Variants in SMG1 observed in about 807,000 individuals in gnomAD.
SMG1 encodes the protein SMG1 nonsense mediated mRNA decay associated PI3K related kinase, also known as serine/threonine-protein kinase SMG1.
SMG1 carries 22 observed loss-of-function variants against 419.9 expected under a neutral mutation model. The observed-to-expected ratio is 0.05, with a 90% CI of 0.04 to 0.07. The LOEUF (loss-of-function observed/expected upper bound fraction) is 0.07. Among genes scored for constraint, SMG1 ranks in the 10% least tolerant of loss-of-function variants. SMG1 has a pLI of 1.00. For missense variants in SMG1, 3,185 were observed against 4,342.0 expected (o/e 0.73, Z 7.49); for synonymous variants, 1,538 against 1,553.5 (o/e 0.99, Z 0.23).
intron 11 of SMG1, 96 bp downstream of exon 11, chr16:18,879,399 G>A: frequency 8.1e-7 from 1 of 1,227,204 alleles, no homozygotes. Context: ...ACAAGCATGA[G>A]CCACCATGCC....
chr16:18,870,573 A>G, intron 18 of SMG1, 37 bp downstream of exon 18: 1 of 1,335,780 alleles, frequency 7.5e-7, no homozygotes, highest in Non-Finnish European at 1.1e-6. Context: ...GGCTGTAAAT[A>G]TCACAGAATG....
chr16:18,844,296 G>T lies in SMG1; in HGVS notation c.6219+1133C>A, dbSNP rs552659839. Among the ~76,000 whole-genome samples the T allele has an allele frequency of 4.1e-4, 62 of 152,002 alleles. 2 individuals are homozygous for T. In the South Asian group the frequency reaches 0.013, roughly 31 times the overall value. ...GTACAAAAATTAGCCAAGCATGGTG[G>T]TGTGTGCCTGTAATCCCAGCTACAC... is the stretch of plus-strand genomic sequence containing the variant. On this transcript the variant is annotated intron_variant, in intron 39 of 62. Coordinates refer to ENST00000446231, the MANE Select transcript of SMG1 (RefSeq NM_015092.5).
chr16:18,890,994 C>G (rs1051672062), intron 4 of SMG1, 73 bp from the exon 5 acceptor site: 2 of 795,842 alleles, frequency 2.5e-6, no homozygotes, highest in Non-Finnish European at 4.4e-6. Context: ...TACTTTTTTA[C>G]TTGTCTTCCC....
chr16:18,819,695 T>C, intron 55 of SMG1, 41 bp from the exon 56 acceptor site: 1 of 1,471,474 alleles, frequency 6.8e-7, no homozygotes, highest in Non-Finnish European at 9.0e-7. Flanking sequence ...TATATGACAT[T>C]CTCTACTTCC....
intron 11 of SMG1, chr16:18,878,631 GAAAA>G (rs969580589): frequency 3.3e-5 from 5 of 149,340 alleles, no homozygotes; most frequent in African/African-American, 1.2e-4. Context: ...GAAAAGAAAA[GAAAA>G]AAAAGAAAGA....
At chr16:18,812,613 T>C (rs994178243) in intron 60 of SMG1, among the ~76,000 whole-genome samples, 2 of 99,764 alleles carry the variant, frequency 2.0e-5, no homozygotes, top group African/African-American at 3.6e-5. Context: ...TATATATACA[T>C]ACACACATAT....
chr16:18,874,866 CAAAAAAAAAAAAAAAAAA>C lies in SMG1; in HGVS notation c.1890+1240_1890+1257del, dbSNP rs148468415. ...AGGCGACAACAGCATGACTCTGTCTCAAAAAAAAAAAAAAAAAAAAAAAAAAAAAAAAAAGCCTTTTTT... is the reference window on the plus strand; with the variant it reads ...AGGCGACAACAGCATGACTCTGTCTCAAAAAAAAAAAAAAAAGCCTTTTTT... On this transcript the variant is annotated intron_variant, in intron 13 of 62. Transcript: ENST00000446231. Among the ~76,000 whole-genome samples the C allele has an allele frequency of 4.1e-3, 205 of 49,648 alleles. 2 individuals are homozygous for C. The highest frequency in any genetic ancestry group is 0.012 in the East Asian group (15 of 1,298). The allele number at this position is 49,648 out of a possible 152,430, so 32.6% of individuals were successfully genotyped here. A position where few individuals can be genotyped will look rare whatever the true frequency, so the allele number is the denominator to read the frequency against.
intron 5 of SMG1, among the ~76,000 whole-genome samples, chr16:18,890,018 ACT>A (rs2036806995): frequency 6.6e-6 from 1 of 152,246 alleles, no homozygotes. Context: ...GTAATGAGTA[ACT>A]CTATAAAATA....
chr16:18,854,513 C>CT, intron 30 of SMG1, 143 bp downstream of exon 30: 1 of 808,358 alleles, frequency 1.2e-6, no homozygotes, highest in Non-Finnish European at 1.9e-6. Context: ...TAATAAGCAA[C>CT]TTATTATTCA....
intron 23 of SMG1, among the ~76,000 whole-genome samples, chr16:18,864,867 G>A (rs1010839751): frequency 4.6e-5 from 7 of 152,122 alleles, no homozygotes; most frequent in Non-Finnish European, 7.3e-5. Flanking sequence ...ACAGTGAGTC[G>A]ACTATGGTGG....
At chr16:18,829,131 A>C (rs1037705553) in intron 54 of SMG1, among the ~76,000 whole-genome samples, 155 bp downstream of exon 54, 7 of 152,236 alleles carry the variant, frequency 4.6e-5, no homozygotes, top group African/African-American at 1.7e-4. Flanking sequence ...GTATCATTGG[A>C]AAGAAAGTGC....
chr16:18,886,022 A>G (rs907871174), intron 6 of SMG1, among the ~76,000 whole-genome samples: 7 of 152,186 alleles, frequency 4.6e-5, no homozygotes, highest in Non-Finnish European at 8.8e-5. Flanking sequence ...GCTAAAAACA[A>G]ATACTGTTTT....
chr16:18,919,466 T>C (rs2038100125), intron 1 of SMG1, among the ~76,000 whole-genome samples: 1 of 150,456 alleles, frequency 6.6e-6, no homozygotes, highest in South Asian at 2.1e-4. Flanking sequence ...CTACTAAAAA[T>C]ACAAAAAATT....
At chr16:18,855,016 A>G in intron 29 of SMG1, 112 bp from the exon 30 acceptor site, 2 of 946,024 alleles carry the variant, frequency 2.1e-6, no homozygotes, top group Non-Finnish European at 3.1e-6. Flanking sequence ...ACCTCCTGAA[A>G]CAAAGATAAC....
chr16:18,870,694 C>T lies in SMG1; in HGVS notation c.2408G>A (p.Arg803His), dbSNP rs778061610. The change falls in exon 18 of 63, where the codon CGT (arginine) becomes CAT (histidine). Residue 803 changes from arginine to histidine, a missense_variant. Around this residue, in one of 27 missense-constraint regions of SMG1, gnomAD observed 297 missense variants for 491.0 expected, o/e 0.60. Transcript: ENST00000446231. ...AGTTCCACTGTGCACTAGTTGAACA[C>T]GGCAAACATCGACACATCTATGAAA... ...DLLQRCVDVC[R>H]VQLVHSGTRI... The T allele has an allele frequency of 5.0e-6, 8 of 1,608,086 alleles. No homozygotes were observed. Among genetic ancestry groups the T allele is most frequent in the South Asian group, 3.3e-5 (3 of 90,272 alleles).
At position 18,817,318 on chromosome 16, in the gene SMG1, C is replaced by A; in HGVS notation, c.10047G>T (p.Glu3349Asp). 6.2e-7 allele frequency: 1 copy of A among 1,612,382 alleles called. No homozygotes were observed. The highest frequency in any genetic ancestry group is 8.5e-7 in the Non-Finnish European group (1 of 1,179,312). ...FASQFNSSVS[E>D]LELRLLQRVD... ...CTCTCTGTAATAAACGAAGCTCTAA[C>A]TCAGACACTGAACTGTTAAACTGTG... Residue 3349 changes from glutamate (E) to aspartate (D), a missense_variant, in exon 57 of 63, where the codon GAG (glutamate) becomes GAT (aspartate). By Grantham distance (45) the Glu-to-Asp change is conservative (BLOSUM62 2). Coordinates refer to ENST00000446231, the MANE Select transcript of SMG1 (RefSeq NM_015092.5).
chr16:18,893,970 T>A (rs1215996111), intron 3 of SMG1, among the ~76,000 whole-genome samples: 1 of 151,824 alleles, frequency 6.6e-6, no homozygotes, highest in African/African-American at 2.4e-5. Flanking sequence ...GGCAGGAGAA[T>A]CATTTTAATC....
At chr16:18,854,565 C>T (rs906735991) in intron 30 of SMG1, 91 bp downstream of exon 30, 8 of 1,209,700 alleles carry the variant, frequency 6.6e-6, no homozygotes, top group African/African-American at 1.5e-5. Flanking sequence ...ATCAACTTTG[C>T]TATTACTACC....
Position 18,866,745 on chromosome 16 carries a change from C to T in SMG1, c.3226G>A (p.Val1076Met), listed in dbSNP as rs371197954. 1.8e-5 allele frequency: 28 copies of T among 1,597,142 alleles called. No individual in the cohort carries two copies. The highest frequency in any genetic ancestry group is 2.3e-5 in the Non-Finnish European group (27 of 1,179,538). ...TGAAGTTCACATAATGCTTCTACCA[C>T]CATCATAATGGTTACTTCCAATTCA... Reference protein sequence around the residue: ...GNELEVTIMMVVEALCELHCP... With the variant: ...GNELEVTIMMMVEALCELHCP... Residue 1076 changes from valine (V) to methionine (M), a missense_variant, in exon 23 of 63, where the codon GTG becomes ATG. Coordinates refer to ENST00000446231, the MANE Select transcript of SMG1 (RefSeq NM_015092.5).
Sources: gnomAD v4.1 joint callset for allele counts (sites outside exome capture counted in the v4.1 genomes callset) on GRCh38, gnomAD v4.1.1 for gene constraint, gnomAD v4.1.1 regional missense constraint, MANE v1.5 for transcripts, NCBI Gene and HGNC (gene_info 2026-07-23, HGNC 2026-07-21) for gene names.